BCL2L11: variants seen among roughly 807,000 people sequenced by gnomAD.
BCL2L11 encodes bcl-2-like protein 11.
A neutral mutation model predicts 20.6 loss-of-function variants in BCL2L11; 15 were observed. That is an observed-to-expected ratio of 0.73 (90% confidence interval 0.49 to 1.12). The LOEUF (loss-of-function observed/expected upper bound fraction) is 1.12. Among genes scored for constraint, BCL2L11 ranks in the 50% most tolerant of loss-of-function variants. The pLI is 0.00. For missense variants in BCL2L11, 292 were observed against 260.9 expected (o/e 1.12, Z -0.82); for synonymous variants, 108 against 92.8 (o/e 1.16, Z -0.94).
chr2:111,122,075 TCGCGGACGTGCG>T (rs2071117677), intron 1 of BCL2L11, among the ~76,000 whole-genome samples: 1 of 152,086 alleles, frequency 6.6e-6, no homozygotes, highest in Non-Finnish European at 1.5e-5. Flanking sequence ...TACTCGATGG[TCGCGGACGTGCG>T]CGTCCGCGGC....
intron 2 of BCL2L11, chr2:111,142,522 G>C (rs1413329191): frequency 1.4e-6 from 1 of 709,874 alleles, no homozygotes; most frequent in East Asian, 2.7e-5. Context: ...GTGTTAAATT[G>C]TACTTCACTT....
intron 2 of BCL2L11, chr2:111,128,748 A>G (rs1398762395): frequency 7.8e-6 from 12 of 1,546,092 alleles, no homozygotes; most frequent in African/African-American, 1.4e-5. Context: ...AGGATTTCTC[A>G]TGATACCTTT....
chr2:111,167,713 G>A lies in BCL2L11; in HGVS notation c.*3482G>A, dbSNP rs1396317276. On this transcript the variant is annotated 3_prime_UTR_variant, in exon 4 of 4. Transcript: ENST00000393256. ...GTAGCTGGGTTTTCCCCCACCTGCT[G>A]TGCAACTTCCTGTGCTTTGAGGTTG... 1.3e-5 allele frequency: 2 copies of A among 152,380 alleles called. No individual in the cohort carries two copies. The highest frequency in any genetic ancestry group is 2.1e-4 in the South Asian group (1 of 4,828). 9.4% of individuals were successfully genotyped at this position (152,380 alleles called of 1,614,324 possible).
intron 3 of BCL2L11, among the ~76,000 whole-genome samples, chr2:111,153,450 C>A (rs927474785): frequency 2.0e-5 from 3 of 152,084 alleles, no homozygotes; most frequent in Admixed American, 2.0e-4. Flanking sequence ...CACAGACACC[C>A]GTCTTGATAC....
intron 2 of BCL2L11, among the ~76,000 whole-genome samples, chr2:111,133,764 GTTC>G (rs1559035367): frequency 6.6e-6 from 1 of 152,156 alleles, no homozygotes; most frequent in African/African-American, 2.4e-5. Flanking sequence ...GTGTTGTTCA[GTTC>G]TTCTCTGTCC....
chr2:111,151,958 C>A, intron 3 of BCL2L11: 1 of 1,358,596 alleles, frequency 7.4e-7, no homozygotes, highest in South Asian at 1.3e-5. Context: ...CCCTCCAGTT[C>A]CTCTGCCTTG....
At chr2:111,142,221 A>G (rs990195949) in intron 2 of BCL2L11, 63 of 1,065,892 alleles carry the variant, frequency 5.9e-5, no homozygotes, top group South Asian at 2.0e-4. Flanking sequence ...TGAAGACTCT[A>G]CCTCCTGTTC....
intron 1 of BCL2L11, chr2:111,123,232 G>A (rs949630654): frequency 4.4e-5 from 43 of 985,366 alleles, no homozygotes; most frequent in African/African-American, 5.2e-5. Flanking sequence ...TACTACGACT[G>A]ACGGCCGCTG....
intron 2 of BCL2L11, among the ~76,000 whole-genome samples, chr2:111,124,601 T>A (rs2072106237): frequency 6.6e-6 from 1 of 152,168 alleles, no homozygotes; most frequent in African/African-American, 2.4e-5. Context: ...ACATCAACAT[T>A]TTTACAAAGT....
chr2:111,128,153 T>C (rs2150281260), intron 2 of BCL2L11, among the ~76,000 whole-genome samples: 1 of 152,234 alleles, frequency 6.6e-6, no homozygotes, highest in African/African-American at 2.4e-5. Flanking sequence ...GTCTATTAAT[T>C]TGACAACTTC....
intron 3 of BCL2L11, chr2:111,163,024 A>AG (rs1276949638): frequency 3.3e-5 from 5 of 152,208 alleles, no homozygotes; most frequent in Middle Eastern, 3.2e-3. Flanking sequence ...TGGAAGGAAA[A>AG]GGGGAAATGC....
At chr2:111,161,362 T>G in intron 3 of BCL2L11, 1 of 1,539,514 alleles carries the variant, frequency 6.5e-7, no homozygotes, top group Non-Finnish European at 8.8e-7. Context: ...ACAGTCTGTC[T>G]TTTTTATATT....
chr2:111,160,025 T>C (rs546694288), intron 3 of BCL2L11, among the ~76,000 whole-genome samples: 11 of 152,256 alleles, frequency 7.2e-5, no homozygotes, highest in Non-Finnish European at 1.5e-4. Context: ...GGGGGAGCAA[T>C]CCTGCAACTT....
At chr2:111,154,007 G>T in intron 3 of BCL2L11, 1 of 1,249,104 alleles carries the variant, frequency 8.0e-7, no homozygotes, top group South Asian at 2.2e-5. Flanking sequence ...TATTCAGTCG[G>T]AGTTTTACTA....
chr2:111,166,207 C>G lies in BCL2L11; in HGVS notation c.*1976C>G, dbSNP rs1182851289. 6.5e-6 allele frequency: 1 copy of G among 152,724 alleles called. No individual in the cohort carries two copies. Among genetic ancestry groups the G allele is most frequent in the East Asian group, 1.9e-4 (1 of 5,198 alleles). The allele number at this position is 152,724 out of a possible 1,614,324, so 9.5% of individuals were successfully genotyped here. On this transcript the variant is annotated 3_prime_UTR_variant, in exon 4 of 4. Transcript: ENST00000393256. The stretch of plus-strand genomic sequence containing the variant: ...CACCCCCTCCCAGGATCCCTGTACT[C>G]ACGTGCCAGTCTCCTGACTAGAGCA...
At chr2:111,137,734 T>A (rs1481446132) in intron 2 of BCL2L11, among the ~76,000 whole-genome samples, 3 of 151,584 alleles carry the variant, frequency 2.0e-5, no homozygotes, top group Admixed American at 2.0e-4. Flanking sequence ...TCCTTGGTCC[T>A]CTAATGGGAG....
chr2:111,147,224 C>T (rs2076636169), intron 2 of BCL2L11, among the ~76,000 whole-genome samples: 1 of 152,046 alleles, frequency 6.6e-6, no homozygotes, highest in African/African-American at 2.4e-5. Context: ...TCTCAGGGCT[C>T]CAGAGCATTG....
chr2:111,124,492 G>A (rs2150153726), intron 2 of BCL2L11, among the ~76,000 whole-genome samples: 1 of 152,198 alleles, frequency 6.6e-6, no homozygotes, highest in Non-Finnish European at 1.5e-5. Flanking sequence ...GGGTTTCACC[G>A]TGTTAGCCAG....
intron 3 of BCL2L11, among the ~76,000 whole-genome samples, 196 bp from the exon 4 acceptor site, chr2:111,163,937 T>TC (rs1408650419): frequency 6.6e-6 from 1 of 150,622 alleles, no homozygotes; most frequent in Admixed American, 6.6e-5. Context: ...AGGGATGTCT[T>TC]CCCCTTTGCA....
Sources: gnomAD v4.1 joint callset for allele counts (sites outside exome capture counted in the v4.1 genomes callset) on GRCh38, gnomAD v4.1.1 for gene constraint, MANE v1.5 for transcripts, NCBI Gene and HGNC (gene_info 2026-07-23, HGNC 2026-07-21) for gene names.